The following ASH1L variants were observed in gnomAD, a reference collection of about 807,000 sequenced individuals.
ASH1L encodes the protein ASH1 like histone lysine methyltransferase, also known as histone-lysine N-methyltransferase ASH1L.
ASH1L carries 23 observed loss-of-function variants against 269.0 expected under a neutral mutation model. The ratio of observed to expected loss-of-function variants is 0.09; its 90% CI spans 0.06 to 0.12. The LOEUF (loss-of-function observed/expected upper bound fraction) is 0.12. Among genes scored for constraint, ASH1L ranks in the 10% least tolerant of loss-of-function variants. The pLI, the probability that ASH1L is intolerant of heterozygous loss-of-function variation, is 1.00. For missense variants in ASH1L, 2,912 were observed against 3,567.8 expected (o/e 0.82, Z 4.68); for synonymous variants, 1,187 against 1,253.5 (o/e 0.95, Z 1.12).
chr1:155,561,781 A>C (rs1166593762), intron 1 of ASH1L, among the ~76,000 whole-genome samples: 2 of 151,510 alleles, frequency 1.3e-5, no homozygotes, highest in Non-Finnish European at 2.9e-5. Flanking sequence ...CACAGGTAAA[A>C]TCCCCTCTCA....
At chr1:155,462,949 G>C (rs551180824) in intron 3 of ASH1L, among the ~76,000 whole-genome samples, 13 of 152,226 alleles carry the variant, frequency 8.5e-5, no homozygotes, top group African/African-American at 3.1e-4. Flanking sequence ...AAACATTAAC[G>C]ATATAAAGCA....
chr1:155,482,480 G>A, intron 2 of ASH1L, 31 bp from the exon 3 acceptor site: 5 of 1,576,412 alleles, frequency 3.2e-6, no homozygotes, highest in Non-Finnish European at 4.3e-6. Context: ...AAGTTAAAGA[G>A]GGAGTAAACC....
chr1:155,549,805 C>T (rs540098894), intron 1 of ASH1L, among the ~76,000 whole-genome samples: 25 of 152,130 alleles, frequency 1.6e-4, no homozygotes, highest in Non-Finnish European at 2.9e-4. Flanking sequence ...CATTTCTGTA[C>T]TCCTTATAAT....
intron 1 of ASH1L, among the ~76,000 whole-genome samples, chr1:155,550,969 G>A (rs1223679958): frequency 6.6e-6 from 1 of 151,950 alleles, no homozygotes; most frequent in African/African-American, 2.4e-5. Flanking sequence ...CTACAGGTAT[G>A]TGCCACAATG....
chr1:155,547,808 T>C (rs1670934733), intron 1 of ASH1L, among the ~76,000 whole-genome samples: 1 of 151,292 alleles, frequency 6.6e-6, no homozygotes, highest in Non-Finnish European at 1.5e-5. Flanking sequence ...CCGCCTCTAC[T>C]AAAAATACAA....
chr1:155,429,103 CA>C (rs1661410127), intron 5 of ASH1L, among the ~76,000 whole-genome samples: 1 of 152,080 alleles, frequency 6.6e-6, no homozygotes, highest in South Asian at 2.1e-4. Context: ...GCAATAACCT[CA>C]AGTTGAAAAT....
intron 1 of ASH1L, among the ~76,000 whole-genome samples, chr1:155,532,183 G>C (rs1209199350): frequency 6.6e-6 from 1 of 152,058 alleles, no homozygotes; most frequent in African/African-American, 2.4e-5. Context: ...CAAATCTCTG[G>C]AACAATGTGG....
In ASH1L at chr1:155,481,901, T is replaced by C. The variant is rs1454308628; in HGVS notation, c.969A>G (p.Lys323=). 1.2e-6 allele frequency: 2 copies of C among 1,614,098 alleles called. No homozygotes were observed. Among genetic ancestry groups the C allele is most frequent in the African/African-American group, 1.3e-5 (1 of 74,940 alleles). The change falls in exon 3 of 28, where the codon AAA becomes AAG. Residue 323 remains lysine, a synonymous_variant. Coordinates refer to ENST00000392403, the MANE Select transcript of ASH1L (RefSeq NM_018489.3). ...CTACTGTAGTGATAGTTCCTGGCTTTTTGCCTAAGTTTTTATTAATGAATA... is the reference window on the plus strand; with the variant it reads ...CTACTGTAGTGATAGTTCCTGGCTTCTTGCCTAAGTTTTTATTAATGAATA... ...TAVFINKNLG[K]KPGTITTVGL... is the part of the protein sequence containing the mutation.
In ASH1L at chr1:155,556,144, G is replaced by A. The variant is rs184276870; in HGVS notation, c.-100+6009C>T. On this transcript the variant is annotated intron_variant, in intron 1 of 27. Coordinates refer to ENST00000392403, the MANE Select transcript of ASH1L (RefSeq NM_018489.3). ...GCTCACATTTCTCAGCACTTTGGGA[G>A]GCCAAGGTGGGAGGACCACATGAGT... Among the ~76,000 whole-genome samples, 8 of 152,272 alleles carry A rather than the reference G, an allele frequency of 5.3e-5. No homozygotes were observed. The East Asian group carries it at 1.5e-3, about 29-fold the overall frequency.
At position 155,346,375 on chromosome 1, in the gene ASH1L, C is replaced by T. The variant is rs1387242075; in HGVS notation, c.7890+8G>A. The T allele has an allele frequency of 6.2e-7, 1 of 1,613,382 alleles. No individual in the cohort carries two copies. Among genetic ancestry groups the T allele is most frequent in the Non-Finnish European group, 8.5e-7 (1 of 1,179,568 alleles). On this transcript the variant is annotated splice_region_variant and intron_variant, in intron 21 of 27. Transcript: ENST00000392403. ...ATAGATCAGAGTTTTATCAGAGGTT[C>T]AGCTTACCCTGTCCACAGGCCTTGG...
At chr1:155,475,432 G>A (rs1159710957) in intron 3 of ASH1L, among the ~76,000 whole-genome samples, 1 of 152,134 alleles carries the variant, frequency 6.6e-6, no homozygotes, top group Non-Finnish European at 1.5e-5. Context: ...CACCGCGCCT[G>A]GACTTCACTG....
Position 155,420,557 on chromosome 1 carries a change from TA to T in ASH1L, c.5829-4635del, listed in dbSNP as rs958222875. On this transcript the variant is annotated intron_variant, in intron 5 of 27. Transcript: ENST00000392403. ...AAGAGTATAAACAAAACAATGAATTTAAAAAAAAAAAGGCCAGGTGTGGTGG... is the reference window on the plus strand; with the variant it reads ...AAGAGTATAAACAAAACAATGAATTTAAAAAAAAAAGGCCAGGTGTGGTGG... Among the ~76,000 whole-genome samples the T allele has an allele frequency of 1.2e-3, 165 of 143,154 alleles. 3 individuals are homozygous for T. In the South Asian group the frequency reaches 0.018, roughly 15 times the overall value. The allele number at this position is 143,154 out of a possible 152,430, so 93.9% of individuals were successfully genotyped here. A position where few individuals can be genotyped will look rare whatever the true frequency, so the allele number is the denominator to read the frequency against.
chr1:155,493,790 C>T (rs1041389217), intron 2 of ASH1L, among the ~76,000 whole-genome samples: 13 of 152,166 alleles, frequency 8.5e-5, no homozygotes, highest in Admixed American at 6.5e-4. Context: ...GGAAGAATAG[C>T]TTGAACCAGG....
intron 4 of ASH1L, among the ~76,000 whole-genome samples, chr1:155,455,720 G>C (rs1295773105): frequency 6.6e-6 from 1 of 152,188 alleles, no homozygotes; most frequent in Non-Finnish European, 1.5e-5. Context: ...CAATTCTCTA[G>C]AGTATTTGCA....
chr1:155,376,657 G>A (rs1656472536), intron 10 of ASH1L, among the ~76,000 whole-genome samples: 3 of 150,568 alleles, frequency 2.0e-5, no homozygotes, highest in Non-Finnish European at 3.0e-5. Context: ...CCAGCCTGGC[G>A]ACAGAGCGCG....
chr1:155,341,514 T>C (rs1177818280), intron 25 of ASH1L, among the ~76,000 whole-genome samples: 1 of 151,688 alleles, frequency 6.6e-6, no homozygotes, highest in East Asian at 1.9e-4. Context: ...CCATTTTTAA[T>C]GCAGGCATAA....
intron 1 of ASH1L, among the ~76,000 whole-genome samples, chr1:155,554,117 C>T (rs1469936977): frequency 6.6e-6 from 1 of 151,362 alleles, no homozygotes; most frequent in African/African-American, 2.4e-5. Context: ...CAGGGTCTCA[C>T]TCTGTCACAC....
At chr1:155,514,071 CTT>C (rs1393945936) in intron 2 of ASH1L, among the ~76,000 whole-genome samples, 2 of 152,142 alleles carry the variant, frequency 1.3e-5, no homozygotes, top group Non-Finnish European at 2.9e-5. Context: ...TATGATTCTA[CTT>C]ATATGTGGTA....
At chr1:155,452,039 G>C (rs886630403) in intron 4 of ASH1L, among the ~76,000 whole-genome samples, 8 of 148,390 alleles carry the variant, frequency 5.4e-5, no homozygotes, top group Non-Finnish European at 1.2e-4. Flanking sequence ...GGTTAAGATG[G>C]TAATTTTTTT....
Sources: allele counts gnomAD v4.1 joint callset (sites outside exome capture counted in the v4.1 genomes callset), GRCh38; gene constraint gnomAD v4.1.1; transcripts MANE v1.5; gene names NCBI Gene and HGNC (gene_info 2026-07-23, HGNC 2026-07-21).